Variants in IGFL2 observed in about 807,000 individuals in gnomAD.
IGFL2 encodes the protein IGF like family member 2, also known as insulin growth factor-like family member 2.
In IGFL2, 7 loss-of-function variants were observed where a neutral mutation model predicts 13.9. The ratio of observed to expected loss-of-function variants is 0.51; its 90% CI spans 0.29 to 0.95. The LOEUF (loss-of-function observed/expected upper bound fraction) is 0.95, where lower values mean the gene tolerates loss of function less well. Ranked by LOEUF, IGFL2 falls within the 40% of genes least tolerant of loss-of-function variation. The pLI is 0.08. For missense variants in IGFL2, 138 were observed against 147.8 expected, an observed-to-expected ratio of 0.93 and a Z score of 0.34; for synonymous variants, 55 against 55.8, an observed-to-expected ratio of 0.99 and a Z score of 0.07.
the IGFL2 span, among the ~76,000 whole-genome samples, chr19:46,190,744 A>T: frequency 1.3e-5 from 2 of 152,062 alleles, no homozygotes; most frequent in African/African-American, 4.8e-5. Flanking sequence ...TCCTTCCCCC[A>T]TGGGGGGTGG....
chr19:46,177,394 A>G, the IGFL2 span, among the ~76,000 whole-genome samples: 1 of 152,210 alleles, frequency 6.6e-6, no homozygotes, highest in African/African-American at 2.4e-5. Context: ...CTCCGTCTCA[A>G]AACAATATAC....
upstream of IGFL2, chr19:46,143,084 A>G (rs1394698089): frequency 1.3e-5 from 2 of 152,198 alleles, no homozygotes; most frequent in Admixed American, 1.3e-4. Flanking sequence ...ATGCAGGTCC[A>G]TTTGTATTTT....
At chr19:46,096,481 C>G in the IGFL2 span, among the ~76,000 whole-genome samples, 2 of 152,114 alleles carry the variant, frequency 1.3e-5, no homozygotes, top group African/African-American at 4.8e-5. Context: ...GACAATTTGA[C>G]TTTCTCTCTT....
the IGFL2 span, among the ~76,000 whole-genome samples, chr19:46,177,588 G>A: frequency 6.6e-6 from 1 of 152,106 alleles, no homozygotes; most frequent in East Asian, 1.9e-4. Context: ...TGGGGACATG[G>A]TCCAAGGTAG....
At chr19:46,116,008 G>C in the IGFL2 span, among the ~76,000 whole-genome samples, 8 of 152,002 alleles carry the variant, frequency 5.3e-5, no homozygotes, top group African/African-American at 1.9e-4. Context: ...GACTGATGAT[G>C]GGTCCATTTT....
chr19:46,178,304 AG>A, the IGFL2 span, among the ~76,000 whole-genome samples: 2 of 152,152 alleles, frequency 1.3e-5, no homozygotes, highest in Non-Finnish European at 2.9e-5. Context: ...AGAGATCGTA[AG>A]GCTAACACAA....
the IGFL2 span, among the ~76,000 whole-genome samples, chr19:46,199,660 C>G: frequency 6.6e-6 from 1 of 152,214 alleles, no homozygotes; most frequent in Non-Finnish European, 1.5e-5. Context: ...AGCTAGACTC[C>G]TCTCTCCTCG....
chr19:46,209,829 G>A, the IGFL2 span: 1 of 152,146 alleles, frequency 6.6e-6, no homozygotes, highest in Non-Finnish European at 1.5e-5. Context: ...TAACTATCCT[G>A]GGCCATAATG....
chr19:46,196,246 C>T, the IGFL2 span: 12 of 258,000 alleles, frequency 4.7e-5, no homozygotes, highest in East Asian at 1.7e-3. Context: ...CCATGGCTCC[C>T]GAGGCCACAT....
Position 46,161,086 on chromosome 19 carries a change from T to A in IGFL2, c.358T>A (p.Ter120ArgextTer20). The A allele has an allele frequency of 6.3e-7, 1 of 1,589,016 alleles. No individual in the cohort carries two copies. The highest frequency in any genetic ancestry group is 8.6e-7 in the Non-Finnish European group (1 of 1,165,606). The stretch of plus-strand genomic sequence containing the variant: ...TCTCTGTAGCAGAAGACGTTTTCCC[T>A]GAGAAGACATAGAAAGAAAATCAAC... ...SKCESRRRFP[*>R] The change falls in exon 4 of 4, where the codon TGA (stop) becomes AGA (arginine). Residue 120 changes from the stop codon to arginine, a stop_lost. Coordinates refer to ENST00000377693, the MANE Select transcript of IGFL2 (RefSeq NM_001135113.2).
chr19:46,167,536 G>C, the IGFL2 span, among the ~76,000 whole-genome samples: 1 of 152,156 alleles, frequency 6.6e-6, no homozygotes, highest in African/African-American at 2.4e-5. Flanking sequence ...AAAAAGACTA[G>C]AGCAGCTGTG....
the IGFL2 span, chr19:46,123,799 T>G: frequency 7.7e-6 from 11 of 1,426,778 alleles, no homozygotes; most frequent in African/African-American, 1.5e-4. Context: ...CCGTTAGAAC[T>G]CCACAAACAG....
chr19:46,140,576 G>A (rs868119107), upstream of IGFL2, among the ~76,000 whole-genome samples: 6 of 152,090 alleles, frequency 3.9e-5, no homozygotes, highest in South Asian at 4.1e-4. Flanking sequence ...GGAACTCATC[G>A]CTCCATCTTA....
At chr19:46,137,878 G>C in the IGFL2 span, among the ~76,000 whole-genome samples, 1 of 152,104 alleles carries the variant, frequency 6.6e-6, no homozygotes, top group African/African-American at 2.4e-5. Flanking sequence ...AGATCTATTT[G>C]GTCCTTTCTT....
chr19:46,137,104 T>C, the IGFL2 span: 10 of 1,607,502 alleles, frequency 6.2e-6, no homozygotes, highest in African/African-American at 8.0e-5. Context: ...ATGGCCTCCC[T>C]AGGGTTGGGT....
At chr19:46,209,774 C>T in the IGFL2 span, 1 of 152,198 alleles carries the variant, frequency 6.6e-6, no homozygotes, top group South Asian at 2.1e-4. Context: ...GGATTAAATT[C>T]CTGCAAAGAA....
At chr19:46,193,812 C>T in the IGFL2 span, among the ~76,000 whole-genome samples, 4 of 151,958 alleles carry the variant, frequency 2.6e-5, no homozygotes, top group Non-Finnish European at 5.9e-5. Context: ...CAGCAGACAC[C>T]GCTCTCGGGT....
chr19:46,149,041 A>G lies in IGFL2; in HGVS notation c.19+744A>G, dbSNP rs1322802144. The G allele has an allele frequency of 6.9e-6, 11 of 1,603,446 alleles. No homozygotes were observed. In the East Asian group the frequency reaches 2.2e-4, roughly 33 times the overall value. ...GACTACCCCAGGAGTGTGCTGGGTA[A>G]GTAAGGGCAGCCCAGGCAGTGGACT... On this transcript the variant is annotated intron_variant, in intron 1 of 3. Coordinates refer to ENST00000377693, the MANE Select transcript of IGFL2 (RefSeq NM_001135113.2).
At chr19:46,181,772 T>C in the IGFL2 span, among the ~76,000 whole-genome samples, 1 of 152,228 alleles carries the variant, frequency 6.6e-6, no homozygotes, top group African/African-American at 2.4e-5. Context: ...TTTCCTTGCT[T>C]GGCTAGCCAT....
Sources: allele counts gnomAD v4.1 joint callset (sites outside exome capture counted in the v4.1 genomes callset), GRCh38; gene constraint gnomAD v4.1.1; transcripts MANE v1.5; gene names NCBI Gene and HGNC (gene_info 2026-07-23, HGNC 2026-07-21).